The following MACO1 variants were observed in gnomAD, a reference collection of about 807,000 sequenced individuals.
MACO1 encodes the protein macoilin 1, also known as macoilin.
A neutral mutation model predicts 78.7 loss-of-function variants in MACO1; 14 were observed. That is an observed-to-expected ratio of 0.18 (90% CI 0.12 to 0.28). The LOEUF (loss-of-function observed/expected upper bound fraction) is 0.28. MACO1 is among the 10% of genes least tolerant of loss of function. The pLI, the probability that MACO1 is intolerant of heterozygous loss-of-function variation, is 1.00. For synonymous variants in MACO1, 288 were observed against 291.6 expected (o/e 0.99, Z 0.12); for missense variants, 501 against 799.0 (o/e 0.63, Z 4.50).
At position 25,446,744 on chromosome 1, in the gene MACO1, T is replaced by C; in HGVS notation, c.81-18T>C. ...CACAAATGACCTTAAATTAATTCTTTATTTTTATATTTTGCAGTACATTTT... is the reference window on the plus strand; with the variant it reads ...CACAAATGACCTTAAATTAATTCTTCATTTTTATATTTTGCAGTACATTTT... On this transcript the variant is annotated intron_variant, in intron 1 of 10. Transcript: ENST00000374343. 4.4e-6 allele frequency: 7 copies of C among 1,583,138 alleles called. No individual in the cohort carries two copies. The highest frequency in any genetic ancestry group is 6.0e-6 in the Non-Finnish European group (7 of 1,166,202).
chr1:25,469,226 A>G (rs536037627), intron 6 of MACO1, among the ~76,000 whole-genome samples: 27 of 152,332 alleles, frequency 1.8e-4, no homozygotes, highest in Admixed American at 2.0e-4. Flanking sequence ...TAGAGCATAT[A>G]TATTGATAAC....
chr1:25,446,080 G>A (rs2043013209), intron 1 of MACO1, among the ~76,000 whole-genome samples: 1 of 152,162 alleles, frequency 6.6e-6, no homozygotes, highest in Admixed American at 6.6e-5. Flanking sequence ...AGGGAACTGG[G>A]AACACACATT....
intron 6 of MACO1, among the ~76,000 whole-genome samples, chr1:25,464,667 C>CG (rs1342193454): frequency 2.0e-5 from 2 of 102,382 alleles, no homozygotes; most frequent in Non-Finnish European, 4.5e-5. Context: ...CCCACCCCCC[C>CG]CCTCCGCGAA....
intron 10 of MACO1, among the ~76,000 whole-genome samples, chr1:25,492,090 T>G (rs992369098): frequency 6.6e-6 from 1 of 152,024 alleles, no homozygotes; most frequent in African/African-American, 2.4e-5. Flanking sequence ...GGCTGGGAGC[T>G]AGTGGGACTT....
At chr1:25,470,701 G>T (rs1009383710) in intron 6 of MACO1, among the ~76,000 whole-genome samples, 4 of 152,160 alleles carry the variant, frequency 2.6e-5, no homozygotes, top group Non-Finnish European at 4.4e-5. Context: ...GGGGCAGGTA[G>T]CAAAACAGAT....
intron 6 of MACO1, among the ~76,000 whole-genome samples, chr1:25,465,071 C>A (rs1230307496): frequency 6.6e-6 from 1 of 151,992 alleles, no homozygotes; most frequent in African/African-American, 2.4e-5. Flanking sequence ...CCTCGGCCTC[C>A]CAAAGTGCTG....
intron 6 of MACO1, among the ~76,000 whole-genome samples, chr1:25,468,680 G>C (rs1289243996): frequency 6.6e-6 from 1 of 152,124 alleles, no homozygotes; most frequent in Non-Finnish European, 1.5e-5. Flanking sequence ...AATTAGTTCT[G>C]TTTAGAGACT....
At chr1:25,469,714 G>GGGTT (rs1210431602) in intron 6 of MACO1, among the ~76,000 whole-genome samples, 1 of 143,974 alleles carries the variant, frequency 6.9e-6, no homozygotes, top group East Asian at 2.0e-4. Context: ...TCGGCTCACT[G>GGGTT]CAACCTCTGT....
intron 10 of MACO1, 64 bp from the exon 11 acceptor site, chr1:25,498,200 C>A: frequency 6.4e-7 from 1 of 1,562,222 alleles, no homozygotes; most frequent in South Asian, 1.1e-5. Flanking sequence ...AGGGATTGGC[C>A]CCTGGGGACA....
At chr1:25,484,331 G>A in intron 7 of MACO1, 57 bp downstream of exon 7, 1 of 1,503,722 alleles carries the variant, frequency 6.7e-7, no homozygotes, top group East Asian at 2.4e-5. Flanking sequence ...TGCTTCTCCT[G>A]TTGCCAGGGG....
chr1:25,488,817 T>C (rs910403908), intron 8 of MACO1, among the ~76,000 whole-genome samples: 1 of 151,956 alleles, frequency 6.6e-6, no homozygotes, highest in Non-Finnish European at 1.5e-5. Context: ...TTTATTTATT[T>C]ATTTATTTAT....
intron 1 of MACO1, among the ~76,000 whole-genome samples, chr1:25,435,381 A>T (rs1415992607): frequency 6.6e-6 from 1 of 152,182 alleles, no homozygotes; most frequent in East Asian, 1.9e-4. Context: ...TTTTTATTTC[A>T]GAGAAAAATT....
intron 1 of MACO1, among the ~76,000 whole-genome samples, chr1:25,436,251 T>C (rs2042918206): frequency 6.6e-6 from 1 of 152,174 alleles, no homozygotes; most frequent in Admixed American, 6.5e-5. Flanking sequence ...ATCTTTTTCT[T>C]TGGCCATTTC....
Position 25,485,907 on chromosome 1 carries a change from T to C in MACO1, c.1496+112T>C, listed in dbSNP as rs1308252241. On this transcript the variant is annotated intron_variant, in intron 8 of 10. Coordinates refer to ENST00000374343, the MANE Select transcript of MACO1 (RefSeq NM_018202.6). The surrounding 1 kb of genome is among the most constrained non-coding windows in gnomAD (Gnocchi z 4.3). ...TGGACGTACAGCAATCATGCACGGA[T>C]GGATTGCTTTTAAGTACTGTTTTAT... 9 of 1,181,270 alleles carry C rather than the reference T, an allele frequency of 7.6e-6. No individual in the cohort carries two copies. The highest frequency in any genetic ancestry group is 1.1e-5 in the Non-Finnish European group (9 of 829,232). 73.2% of individuals were successfully genotyped at this position (1,181,270 alleles called of 1,614,324 possible).
At chr1:25,431,629 G>A (rs1375294344) in intron 1 of MACO1, among the ~76,000 whole-genome samples, 1 of 152,044 alleles carries the variant, frequency 6.6e-6, no homozygotes, top group Non-Finnish European at 1.5e-5. Flanking sequence ...AGCGCGGGGG[G>A]GTGGGGGAGG....
At chr1:25,449,912 G>A (rs754240329) in intron 3 of MACO1, among the ~76,000 whole-genome samples, 5 of 152,136 alleles carry the variant, frequency 3.3e-5, no homozygotes, top group Admixed American at 1.3e-4. Flanking sequence ...CCAGCTACTC[G>A]GGTGGCCAAG....
At chr1:25,490,404 A>G (rs947288854) in intron 9 of MACO1, among the ~76,000 whole-genome samples, 13 of 152,210 alleles carry the variant, frequency 8.5e-5, no homozygotes, top group African/African-American at 3.1e-4. Context: ...TTAAAAGTAG[A>G]TATCATTTTT....
At chr1:25,446,047 G>A (rs576930514) in intron 1 of MACO1, among the ~76,000 whole-genome samples, 1 of 152,242 alleles carries the variant, frequency 6.6e-6, no homozygotes, top group East Asian at 1.9e-4. Flanking sequence ...TTGTCTGAGT[G>A]TTTCTGTTTA....
At chr1:25,495,709 A>G (rs1398522273) in intron 10 of MACO1, among the ~76,000 whole-genome samples, 3 of 152,310 alleles carry the variant, frequency 2.0e-5, no homozygotes, top group African/African-American at 7.2e-5. Flanking sequence ...CACACCTGTA[A>G]TACCAGCACT....
Sources: allele counts gnomAD v4.1 joint callset (sites outside exome capture counted in the v4.1 genomes callset), GRCh38; gene constraint gnomAD v4.1.1; non-coding constraint Gnocchi (gnomAD v3.1); transcripts MANE v1.5; gene names NCBI Gene and HGNC (gene_info 2026-07-23, HGNC 2026-07-21).